The following MAPRE2 variants were observed in gnomAD, a reference collection of about 807,000 sequenced individuals.
The protein encoded by MAPRE2 is microtubule associated protein RP/EB family member 2, also known as microtubule-associated protein RP/EB family member 2.
MAPRE2 carries 13 observed loss-of-function variants against 43.2 expected under a neutral mutation model. The observed-to-expected ratio is 0.30, with a 90% CI of 0.20 to 0.48. The LOEUF is 0.48. MAPRE2 is among the 20% of genes least tolerant of loss of function. The pLI, the probability that MAPRE2 is intolerant of heterozygous loss-of-function variation, is 0.99. For synonymous variants in MAPRE2, 135 were observed against 148.8 expected, an observed-to-expected ratio of 0.91 and a Z score of 0.68; for missense variants, 161 against 400.2, an observed-to-expected ratio of 0.40 and a Z score of 5.10.
At chr18:35,058,650 G>A (rs1371162146) in intron 1 of MAPRE2, among the ~76,000 whole-genome samples, 1 of 152,152 alleles carries the variant, frequency 6.6e-6, no homozygotes, top group Non-Finnish European at 1.5e-5. Context: ...AGATTTGCCA[G>A]CCAAAAATTC....
At chr18:35,132,528 T>C (rs542303458) in intron 6 of MAPRE2, among the ~76,000 whole-genome samples, 1 of 152,326 alleles carries the variant, frequency 6.6e-6, no homozygotes, top group South Asian at 2.1e-4. Flanking sequence ...TCCTTCTTCA[T>C]GCAAGTACAG....
intron 1 of MAPRE2, among the ~76,000 whole-genome samples, chr18:35,048,499 T>TTA (rs1290056769): frequency 6.6e-6 from 1 of 150,960 alleles, no homozygotes; most frequent in Non-Finnish European, 1.5e-5. Flanking sequence ...GAAAGTATAA[T>TTA]TATATATGTG....
chr18:35,105,912 A>G (rs550463356), intron 4 of MAPRE2, among the ~76,000 whole-genome samples: 1 of 152,222 alleles, frequency 6.6e-6, no homozygotes, highest in African/African-American at 2.4e-5. Context: ...GTCCCTTACA[A>G]TTCTTAGAAT....
At chr18:35,104,816 G>A (rs184857950) in intron 4 of MAPRE2, among the ~76,000 whole-genome samples, 1 of 152,060 alleles carries the variant, frequency 6.6e-6, no homozygotes, top group Non-Finnish European at 1.5e-5. Context: ...GGATTCAGGA[G>A]GTATGTCGGG....
intron 1 of MAPRE2, among the ~76,000 whole-genome samples, chr18:35,044,566 A>C (rs1489109724): frequency 2.6e-5 from 4 of 152,196 alleles, no homozygotes; most frequent in Non-Finnish European, 5.9e-5. Context: ...GTTGTATATA[A>C]AAATATCTAG....
upstream of MAPRE2, among the ~76,000 whole-genome samples, chr18:35,037,242 ATGCCT>A: frequency 6.6e-6 from 1 of 152,060 alleles, no homozygotes; most frequent in Non-Finnish European, 1.5e-5. Flanking sequence ...GTTTTAGGAT[ATGCCT>A]AACATGTTAC....
At chr18:35,103,142 A>T (rs1352289277) in intron 4 of MAPRE2, among the ~76,000 whole-genome samples, 2 of 152,170 alleles carry the variant, frequency 1.3e-5, no homozygotes, top group Non-Finnish European at 2.9e-5. Flanking sequence ...GAAAACTGGC[A>T]TTACTTTTTG....
intron 4 of MAPRE2, among the ~76,000 whole-genome samples, chr18:35,103,406 A>G (rs949192943): frequency 2.6e-5 from 4 of 152,298 alleles, no homozygotes; most frequent in Middle Eastern, 6.8e-3. Flanking sequence ...GGTTTTGTTC[A>G]AGAAGTGCTG....
intron 1 of MAPRE2, among the ~76,000 whole-genome samples, chr18:35,055,673 C>T (rs1246084929): frequency 6.6e-6 from 1 of 151,940 alleles, no homozygotes; most frequent in African/African-American, 2.4e-5. Context: ...ATGTTTAGGG[C>T]CAGATGTGGT....
chr18:35,117,805 A>G (rs1455732072), intron 4 of MAPRE2, among the ~76,000 whole-genome samples: 1 of 152,216 alleles, frequency 6.6e-6, no homozygotes, highest in Non-Finnish European at 1.5e-5. Context: ...GTTTTAAAGG[A>G]CACTTAATAT....
At chr18:35,024,346 C>T (rs1004126008) in intron 2 of MAPRE2, among the ~76,000 whole-genome samples, 2 of 152,194 alleles carry the variant, frequency 1.3e-5, no homozygotes, top group Admixed American at 6.5e-5. Flanking sequence ...AAATGATGAA[C>T]TCTGTGTCCC....
At chr18:35,131,848 T>C (rs1910162612) in intron 5 of MAPRE2, 184 bp from the exon 6 acceptor site, 2 of 595,368 alleles carry the variant, frequency 3.4e-6, no homozygotes, top group Non-Finnish European at 3.0e-6. Context: ...CTGTGGAGAA[T>C]TGGACGTTTT....
At chr18:35,041,294 G>A, upstream of MAPRE2, 1 of 1,396,340 alleles carries the variant, frequency 7.2e-7, no homozygotes, top group South Asian at 1.5e-5. Flanking sequence ...GCGAGGTGAT[G>A]AGTTAGCGGG....
Position 35,143,324 on chromosome 18 carries a change from A to G in MAPRE2, c.*2955A>G, listed in dbSNP as rs1018811409. ...GATAAGTAATGACATAATAGATGAA[A>G]AAGTCTTATTCAGATGTATCACATT... On this transcript the variant is annotated 3_prime_UTR_variant, in exon 7 of 7. Transcript: ENST00000300249. The G allele has an allele frequency of 6.6e-6, 1 of 152,172 alleles. No individual in the cohort carries two copies. The highest frequency in any genetic ancestry group is 2.4e-5 in the African/African-American group (1 of 41,436). The allele number at this position is 152,172 out of a possible 1,614,324, so 9.4% of individuals were successfully genotyped here. A position where few individuals can be genotyped will look rare whatever the true frequency, so the allele number is the denominator to read the frequency against.
chr18:34,990,096 A>T (rs1467613452), intron 1 of MAPRE2, among the ~76,000 whole-genome samples: 1 of 152,212 alleles, frequency 6.6e-6, no homozygotes, highest in Admixed American at 6.5e-5. Context: ...TTCATTTTCC[A>T]ATACAATGAT....
In MAPRE2 at chr18:35,111,567, G is replaced by T. The variant is rs2144202530; in HGVS notation, c.610+9408G>T. On this transcript the variant is annotated intron_variant, in intron 4 of 6. Transcript: ENST00000300249. ...ATTGCTGTAAAGAGGGTTGATGCTT[G>T]TGAGTTAACAGGCACTTAACTCAAT... 2.0e-5 allele frequency among the ~76,000 whole-genome samples: 3 copies of T among 152,326 alleles called. No homozygotes were observed. The South Asian group carries it at 6.2e-4, about 32-fold the overall frequency.
chr18:35,129,267 T>C (rs1036039925), intron 5 of MAPRE2, among the ~76,000 whole-genome samples: 8 of 152,174 alleles, frequency 5.3e-5, no homozygotes, highest in African/African-American at 1.9e-4. Flanking sequence ...TTCCCTCCTT[T>C]TTCTGTCTTG....
chr18:35,090,007 G>C (rs1908067569), intron 2 of MAPRE2, among the ~76,000 whole-genome samples: 1 of 152,166 alleles, frequency 6.6e-6, no homozygotes, highest in Admixed American at 6.5e-5. Flanking sequence ...CTTGAGAAGA[G>C]TTTGCTGAGT....
chr18:35,020,912 A>G (rs1280475114), intron 2 of MAPRE2, among the ~76,000 whole-genome samples: 1 of 152,184 alleles, frequency 6.6e-6, no homozygotes, highest in Non-Finnish European at 1.5e-5. Flanking sequence ...GGCACAAGAA[A>G]CAGAATTATT....
Sources: gnomAD v4.1 joint callset for allele counts (sites outside exome capture counted in the v4.1 genomes callset) on GRCh38, gnomAD v4.1.1 for gene constraint, MANE v1.5 for transcripts, NCBI Gene and HGNC (gene_info 2026-07-23, HGNC 2026-07-21) for gene names.